Variants in HDAC9 observed in about 807,000 individuals in gnomAD.
The protein encoded by HDAC9 is MEF-2 interacting transcription repressor (MITR) protein.
HDAC9 carries 41 observed loss-of-function variants against 139.4 expected under a neutral mutation model. The ratio of observed to expected loss-of-function variants is 0.29; its 90% confidence interval spans 0.23 to 0.38. The LOEUF (loss-of-function observed/expected upper bound fraction) is 0.38. Among genes scored for constraint, HDAC9 ranks in the 10% least tolerant of loss-of-function variants. The pLI is 1.00. For synonymous variants in HDAC9, 517 were observed against 476.2 expected (o/e 1.09, Z -1.12); for missense variants, 1,147 against 1,297.0 (o/e 0.88, Z 1.78).
chr7:18,695,234 G>A (rs1368284232), intron 12 of HDAC9, among the ~76,000 whole-genome samples: 1 of 152,108 alleles, frequency 6.6e-6, no homozygotes, highest in East Asian at 1.9e-4. Flanking sequence ...AGCTTGGGTT[G>A]CCACTCAAGT....
At chr7:18,370,762 G>C (rs1784534697) in intron 1 of HDAC9, among the ~76,000 whole-genome samples, 1 of 152,150 alleles carries the variant, frequency 6.6e-6, no homozygotes, top group South Asian at 2.1e-4. Context: ...TGAACTATTT[G>C]TTCTCTTCTA....
chr7:18,877,564 A>G (rs932447215), intron 22 of HDAC9, among the ~76,000 whole-genome samples: 3 of 152,202 alleles, frequency 2.0e-5, no homozygotes, highest in Non-Finnish European at 4.4e-5. Context: ...TGAGGATGCT[A>G]TCCATGTCAG....
chr7:18,140,982 C>G (rs1056916177), intron 1 of HDAC9, among the ~76,000 whole-genome samples: 2 of 150,948 alleles, frequency 1.3e-5, no homozygotes, highest in Non-Finnish European at 2.9e-5. Context: ...CTAAAATTCT[C>G]AATGAGCAGC....
chr7:18,380,203 CA>C (rs1785309744), intron 1 of HDAC9, among the ~76,000 whole-genome samples: 1 of 151,814 alleles, frequency 6.6e-6, no homozygotes, highest in Admixed American at 6.6e-5. Context: ...AGATTAAAAT[CA>C]AATAATGGGT....
chr7:18,226,435 A>C (rs1483345824), intron 2 of HDAC9, among the ~76,000 whole-genome samples: 1 of 152,194 alleles, frequency 6.6e-6, no homozygotes, highest in African/African-American at 2.4e-5. Context: ...AAGGGATAGA[A>C]GAGGCAGACT....
intron 19 of HDAC9, among the ~76,000 whole-genome samples, chr7:18,830,016 C>T (rs1444640694): frequency 2.0e-5 from 3 of 152,134 alleles, no homozygotes; most frequent in African/African-American, 4.8e-5. Context: ...AAAAGATCTC[C>T]AATCTCAGAT....
At position 18,767,347 on chromosome 7, in the gene HDAC9, A is replaced by G. The variant is rs544376371; in HGVS notation, c.2214+192A>G. 2.0e-5 allele frequency among the ~76,000 whole-genome samples: 3 copies of G among 152,312 alleles called. No individual in the cohort carries two copies. The East Asian group carries it at 5.8e-4, about 29-fold the overall frequency. On this transcript the variant is annotated intron_variant, in intron 16 of 25. Coordinates refer to ENST00000686413, the MANE Select transcript of HDAC9 (RefSeq NM_178425.4). ...CCCTTGTTAAAAATAAATTCTTAAG[A>G]ATTTCAAGATGGTGGCAATACAGAA... is the stretch of plus-strand genomic sequence containing the variant.
upstream of HDAC9, among the ~76,000 whole-genome samples, chr7:18,490,762 G>A (rs1361426396): frequency 6.6e-6 from 1 of 151,946 alleles, no homozygotes; most frequent in East Asian, 1.9e-4. Flanking sequence ...CTGACTGCAG[G>A]CAAATGCATA....
At chr7:18,380,608 A>C (rs1562935309) in intron 1 of HDAC9, among the ~76,000 whole-genome samples, 1 of 152,198 alleles carries the variant, frequency 6.6e-6, no homozygotes, top group Non-Finnish European at 1.5e-5. Flanking sequence ...CTCTCCTGGC[A>C]CAGGTATGGT....
At chr7:18,929,593 T>C (rs1804548525) in intron 22 of HDAC9, among the ~76,000 whole-genome samples, 1 of 152,054 alleles carries the variant, frequency 6.6e-6, no homozygotes, top group Non-Finnish European at 1.5e-5. Flanking sequence ...AATGCCTCAT[T>C]CTAAAATATT....
intron 2 of HDAC9, among the ~76,000 whole-genome samples, chr7:18,534,942 A>AC (rs1316260844): frequency 1.3e-5 from 2 of 152,062 alleles, no homozygotes; most frequent in East Asian, 3.9e-4. Context: ...CAGACCTTAA[A>AC]CCAGTCCCTG....
chr7:18,458,834 C>T, intron 1 of HDAC9: 1 of 1,532,612 alleles, frequency 6.5e-7, no homozygotes, highest in Non-Finnish European at 8.7e-7. Flanking sequence ...ACTTTCTTAT[C>T]CCCACAGACC....
At chr7:18,550,059 T>C (rs970281776) in intron 2 of HDAC9, among the ~76,000 whole-genome samples, 1 of 152,122 alleles carries the variant, frequency 6.6e-6, no homozygotes, top group Non-Finnish European at 1.5e-5. Flanking sequence ...ATTTTAGTTA[T>C]TTAATTTTCC....
chr7:18,829,002 A>G (rs981837819), intron 17 of HDAC9, among the ~76,000 whole-genome samples, 159 bp from the exon 18 acceptor site: 6 of 152,298 alleles, frequency 3.9e-5, no homozygotes, highest in East Asian at 1.9e-4. Context: ...TCTTCATTCT[A>G]TGACTGGCAA....
intron 1 of HDAC9, among the ~76,000 whole-genome samples, chr7:18,350,093 T>G (rs1446550430): frequency 6.6e-6 from 1 of 152,146 alleles, no homozygotes; most frequent in African/African-American, 2.4e-5. Context: ...ATTTTGAAGT[T>G]TGCCTTTATT....
intron 6 of HDAC9, among the ~76,000 whole-genome samples, chr7:18,609,444 G>A (rs927386343): frequency 6.6e-6 from 1 of 152,168 alleles, no homozygotes; most frequent in Non-Finnish European, 1.5e-5. Context: ...GCAGGCACAT[G>A]TGTGGCATAA....
intron 15 of HDAC9, among the ~76,000 whole-genome samples, chr7:18,764,710 G>A (rs1034135011): frequency 5.5e-4 from 83 of 152,104 alleles, no homozygotes; most frequent in African/African-American, 2.0e-3. Context: ...TCGTCAAGAT[G>A]TTTTCTCTCT....
intron 1 of HDAC9, among the ~76,000 whole-genome samples, chr7:18,379,134 A>G (rs983902536): frequency 6.6e-6 from 1 of 152,322 alleles, no homozygotes; most frequent in African/African-American, 2.4e-5. Context: ...TTGAAAATCT[A>G]CCGCTCAAAA....
chr7:18,174,266 A>G (rs1420868363), intron 2 of HDAC9, among the ~76,000 whole-genome samples: 1 of 152,104 alleles, frequency 6.6e-6, no homozygotes, highest in Non-Finnish European at 1.5e-5. Flanking sequence ...TGCATGCGTC[A>G]TGTAGTTCTC....
Sources: allele counts gnomAD v4.1 joint callset (sites outside exome capture counted in the v4.1 genomes callset), GRCh38; gene constraint gnomAD v4.1.1; transcripts MANE v1.5; gene names NCBI Gene and HGNC (gene_info 2026-07-23, HGNC 2026-07-21).